The following C10orf90 variants were observed in gnomAD, a reference collection of about 807,000 sequenced individuals.
The protein encoded by C10orf90 is chromosome 10 open reading frame 90.
In C10orf90, 56 loss-of-function variants were observed where a neutral mutation model predicts 62.5. The ratio of observed to expected loss-of-function variants is 0.90; its 90% CI spans 0.72 to 1.12. The LOEUF (loss-of-function observed/expected upper bound fraction) is 1.12, where lower values mean the gene tolerates loss of function less well. C10orf90 is among the 50% of genes most tolerant of loss of function. C10orf90 has a pLI of 0.00. For synonymous variants in C10orf90, 386 were observed against 340.4 expected (o/e 1.13, Z -1.47); for missense variants, 970 against 880.4 (o/e 1.10, Z -1.29).
At chr10:126,649,012 ATCTCTCTCTCTCTCTGTCTCTGTCTCTC>A (rs1846225816) in intron 1 of C10orf90, among the ~76,000 whole-genome samples, 22 of 127,562 alleles carry the variant, frequency 1.7e-4, no homozygotes, top group South Asian at 5.6e-4. Flanking sequence ...CACAGATGAT[ATCTCTCTCTCTCTCTGTCTCTGTCTCTC>A]TCTCTCTCTC....
intron 1 of C10orf90, among the ~76,000 whole-genome samples, chr10:126,660,051 A>C (rs1273750704): frequency 6.6e-6 from 1 of 152,236 alleles, no homozygotes; most frequent in African/African-American, 2.4e-5. Context: ...TTTCAATCCC[A>C]AGGGCTCCTT....
intron 4 of C10orf90, among the ~76,000 whole-genome samples, chr10:126,498,339 C>T (rs767303244): frequency 8.6e-4 from 131 of 152,328 alleles, no homozygotes; most frequent in Non-Finnish European, 1.6e-3. Flanking sequence ...TCCTGCCACC[C>T]TTTCCAAGTC....
At chr10:126,668,500 C>T (rs1287138673) in intron 1 of C10orf90, among the ~76,000 whole-genome samples, 2 of 152,120 alleles carry the variant, frequency 1.3e-5, no homozygotes, top group South Asian at 4.2e-4. Context: ...CTAAATAATG[C>T]TGAGATGTCA....
chr10:126,429,706 C>A, intron 8 of C10orf90, 81 bp downstream of exon 8: 2 of 1,113,020 alleles, frequency 1.8e-6, no homozygotes, highest in South Asian at 2.6e-5. Flanking sequence ...AAGCAGTGGT[C>A]CCATTGGAGG....
chr10:126,504,527 T>G lies in C10orf90; in HGVS notation c.964A>C (p.Thr322Pro). The G allele has an allele frequency of 6.2e-7, 1 of 1,614,220 alleles. No homozygotes were observed. The highest frequency in any genetic ancestry group is 8.5e-7 in the Non-Finnish European group (1 of 1,180,036). The change falls in exon 4 of 10, where the codon ACC (threonine) becomes CCC (proline). Residue 322 changes from threonine (T) to proline (P), a missense_variant. Thr to Pro is a conservative substitution (Grantham distance 38, BLOSUM62 -1). Transcript: ENST00000488181. This position sits in a 1 kb window ranked among gnomAD's most constrained non-coding sequence, Gnocchi z 4.1. Reference sequence around the variant, plus strand: ...CTGGTCTCTTTGTCGTCTGCATGGGTGACCCAGTACTTGCGTCTCTCACAC... The same window carrying G: ...CTGGTCTCTTTGTCGTCTGCATGGGGGACCCAGTACTTGCGTCTCTCACAC... ...GLCERRKYWV[T>P]HADDKETSFS... is the part of the protein sequence containing the mutation.
At chr10:126,574,035 T>C (rs919020894) in intron 2 of C10orf90, among the ~76,000 whole-genome samples, 3 of 152,186 alleles carry the variant, frequency 2.0e-5, no homozygotes, top group Non-Finnish European at 4.4e-5. Context: ...CAACAAATTC[T>C]AGTAGTCAAA....
At chr10:126,532,608 A>C (rs928264781) in intron 2 of C10orf90, among the ~76,000 whole-genome samples, 1 of 151,616 alleles carries the variant, frequency 6.6e-6, no homozygotes, top group African/African-American at 2.4e-5. Context: ...GAGGCCGAGG[A>C]GGGCAGATCA....
intron 6 of C10orf90, among the ~76,000 whole-genome samples, chr10:126,460,606 C>A (rs1859907975): frequency 6.6e-6 from 1 of 152,328 alleles, no homozygotes; most frequent in South Asian, 2.1e-4. Context: ...AAAGAGATAA[C>A]CCCTAGGAAC....
intron 5 of C10orf90, chr10:126,463,281 G>A (rs530786962): frequency 1.6e-3 from 245 of 152,616 alleles, no homozygotes; most frequent in African/African-American, 2.3e-3. Context: ...GATCCTGAGC[G>A]TCTCTGCAGC....
At position 126,622,597 on chromosome 10, in the gene C10orf90, C is replaced by A. The variant is rs140875853; in HGVS notation, c.313+23968G>T. ...CTGCCACTACAAAGAAGTTTCTGGC[C>A]TCAACTGTCAATAGTGCTAAGGTTG... On this transcript the variant is annotated intron_variant, in intron 2 of 9. Transcript: ENST00000488181. Among the ~76,000 whole-genome samples, 616 of 152,318 alleles carry A rather than the reference C, an allele frequency of 4.0e-3. 6 individuals are homozygous for A. Among genetic ancestry groups the A allele is most frequent in the African/African-American group, 0.014 (563 of 41,564 alleles).
At chr10:126,642,174 A>G (rs533768555) in intron 2 of C10orf90, among the ~76,000 whole-genome samples, 1 of 152,304 alleles carries the variant, frequency 6.6e-6, no homozygotes, top group Non-Finnish European at 1.5e-5. Flanking sequence ...GAGGAAGTGG[A>G]AGGACCATTC....
intron 2 of C10orf90, among the ~76,000 whole-genome samples, chr10:126,568,947 C>T (rs1270723607): frequency 3.3e-5 from 5 of 152,082 alleles, no homozygotes; most frequent in Admixed American, 6.5e-5. Flanking sequence ...GGGATGAGGC[C>T]GGGCTGGCAG....
intron 2 of C10orf90, among the ~76,000 whole-genome samples, chr10:126,581,541 C>T (rs1441782010): frequency 6.6e-6 from 1 of 152,098 alleles, no homozygotes; most frequent in African/African-American, 2.4e-5. Flanking sequence ...TTCCTCTCTT[C>T]TCCTTTCTTA....
chr10:126,506,625 A>G (rs1444361038), intron 3 of C10orf90, among the ~76,000 whole-genome samples: 3 of 152,232 alleles, frequency 2.0e-5, no homozygotes, highest in Non-Finnish European at 4.4e-5. Context: ...GCACCCAGGC[A>G]TCTGCATTTC....
intron 2 of C10orf90, among the ~76,000 whole-genome samples, chr10:126,531,898 C>T (rs902607090): frequency 6.6e-6 from 1 of 152,148 alleles, no homozygotes; most frequent in Non-Finnish European, 1.5e-5. Context: ...GGACAGATAT[C>T]CAGGATGTAT....
intron 2 of C10orf90, among the ~76,000 whole-genome samples, chr10:126,518,673 G>A (rs562653435): frequency 1.3e-5 from 2 of 152,120 alleles, no homozygotes; most frequent in South Asian, 2.1e-4. Context: ...TGCCCAGCAC[G>A]CCTGCCCTCT....
At chr10:126,508,858 A>G (rs538507802) in intron 3 of C10orf90, among the ~76,000 whole-genome samples, 8 of 152,182 alleles carry the variant, frequency 5.3e-5, no homozygotes, top group Non-Finnish European at 1.0e-4. Context: ...CATGACACCC[A>G]TGAGATTGGC....
At chr10:126,637,593 G>A (rs980308642) in intron 2 of C10orf90, among the ~76,000 whole-genome samples, 9 of 152,198 alleles carry the variant, frequency 5.9e-5, no homozygotes, top group Non-Finnish European at 1.3e-4. Flanking sequence ...TCATGACATC[G>A]GGCTGGCTTC....
At chr10:126,465,503 A>T (rs186491527) in intron 4 of C10orf90, among the ~76,000 whole-genome samples, 1 of 152,258 alleles carries the variant, frequency 6.6e-6, no homozygotes, top group East Asian at 1.9e-4. Flanking sequence ...ATCATGAAAT[A>T]GTAATTTATG....
Sources: gnomAD v4.1 joint callset for allele counts (sites outside exome capture counted in the v4.1 genomes callset) on GRCh38, gnomAD v4.1.1 for gene constraint, Gnocchi (gnomAD v3.1) non-coding constraint, MANE v1.5 for transcripts, NCBI Gene and HGNC (gene_info 2026-07-23, HGNC 2026-07-21) for gene names.